Variants in CUBN observed in about 807,000 individuals in gnomAD.
The protein encoded by CUBN is cubilin, also known as 460 kDa receptor.
In CUBN, 282 loss-of-function variants were observed where a neutral mutation model predicts 405.3. The observed-to-expected ratio is 0.70, with a 90% CI of 0.63 to 0.77. The LOEUF (loss-of-function observed/expected upper bound fraction) is 0.77. Ranked by LOEUF, CUBN falls within the 30% of genes least tolerant of loss-of-function variation. The probability of loss-of-function intolerance (pLI) is 0.00; values close to 1 mark genes in which losing one functional copy is unlikely to be tolerated. For synonymous variants in CUBN, 1,684 were observed against 1,617.0 expected (o/e 1.04, Z -0.99); for missense variants, 4,514 against 4,475.2 (o/e 1.01, Z -0.25).
At chr10:16,839,990 C>A (rs889858180) in intron 62 of CUBN, among the ~76,000 whole-genome samples, 24 of 149,678 alleles carry the variant, frequency 1.6e-4, no homozygotes, top group Non-Finnish European at 8.8e-5. Context: ...ACCGCATATT[C>A]TCACTCATAG....
At chr10:16,834,910 T>A in intron 64 of CUBN, 104 bp downstream of exon 64, 1 of 1,133,864 alleles carries the variant, frequency 8.8e-7, no homozygotes. Context: ...ATGAAACAAA[T>A]AAGAATCATA....
In CUBN at chr10:17,012,170, T is replaced by C. The variant is rs368799475; in HGVS notation, c.4168+7663A>G. ...ACCATCTGTAGCCTGATGGCCTTGATTCTAGAGGAAACAAATTTGACAAGG... is the reference window on the plus strand; with the variant it reads ...ACCATCTGTAGCCTGATGGCCTTGACTCTAGAGGAAACAAATTTGACAAGG... On this transcript the variant is annotated intron_variant, in intron 28 of 66. Coordinates refer to ENST00000377833, the MANE Select transcript of CUBN (RefSeq NM_001081.4). 2.3e-4 allele frequency among the ~76,000 whole-genome samples: 35 copies of C among 152,278 alleles called. 2 individuals are homozygous for C. The South Asian group carries it at 7.3e-3, about 32-fold the overall frequency.
intron 28 of CUBN, 125 bp downstream of exon 28, chr10:17,019,708 C>T: frequency 1.8e-6 from 2 of 1,122,454 alleles, no homozygotes; most frequent in Non-Finnish European, 2.7e-6. Context: ...TAAACCCTTG[C>T]ATGAGATTAC....
chr10:16,861,058 G>A (rs970466754), intron 59 of CUBN, among the ~76,000 whole-genome samples: 13 of 151,976 alleles, frequency 8.6e-5, no homozygotes, highest in African/African-American at 3.1e-4. Flanking sequence ...ATGCCCCAAA[G>A]CATTACCAAT....
Position 17,019,992 on chromosome 10 carries a change from G to A in CUBN, c.4018-9C>T, listed in dbSNP as rs1224106834. 1.9e-6 allele frequency: 3 copies of A among 1,614,002 alleles called. 1 individual carries two copies. Among genetic ancestry groups the A allele is most frequent in the South Asian group, 2.2e-5 (2 of 91,082 alleles). Reference sequence around the variant, plus strand: ...CGTGGTCCATCATAGAGCTGAAATTGAAGAGAAACTTTCCCATATAAAAAC... The same window carrying A: ...CGTGGTCCATCATAGAGCTGAAATTAAAGAGAAACTTTCCCATATAAAAAC... On this transcript the variant is annotated splice_polypyrimidine_tract_variant and intron_variant, in intron 27 of 66. Transcript: ENST00000377833.
At chr10:16,984,363 C>T in intron 29 of CUBN, 84 bp from the exon 30 acceptor site, 20 of 1,289,878 alleles carry the variant, frequency 1.6e-5, no homozygotes, top group Non-Finnish European at 2.2e-5. Flanking sequence ...TGACCCCCGG[C>T]TCCTTGGGTT....
At chr10:17,036,238 G>A (rs1003865866) in intron 27 of CUBN, among the ~76,000 whole-genome samples, 68 of 152,260 alleles carry the variant, frequency 4.5e-4, no homozygotes, top group African/African-American at 1.6e-3. Context: ...GGAAAGTCTG[G>A]TTGTATGCAA....
intron 63 of CUBN, 39 bp from the exon 64 acceptor site, chr10:16,835,234 A>G (rs1839134165): frequency 6.7e-7 from 1 of 1,481,646 alleles, no homozygotes; most frequent in African/African-American, 1.4e-5. Context: ...TACGCATTCC[A>G]ATATTTAGTG....
intron 56 of CUBN, among the ~76,000 whole-genome samples, chr10:16,882,142 G>GC (rs759820726): frequency 6.2e-4 from 95 of 152,288 alleles, no homozygotes; most frequent in Middle Eastern, 3.4e-3. Context: ...TCACAGTTGA[G>GC]TTTATGACCA....
chr10:17,096,056 C>G (rs147032420), intron 14 of CUBN, among the ~76,000 whole-genome samples: 130 of 152,140 alleles, frequency 8.5e-4, no homozygotes, highest in African/African-American at 2.9e-3. Flanking sequence ...ACTGCATGCT[C>G]TCGCTTATAT....
intron 4 of CUBN, among the ~76,000 whole-genome samples, chr10:17,126,217 A>G (rs1837179983): frequency 6.6e-6 from 1 of 152,244 alleles, no homozygotes; most frequent in African/African-American, 2.4e-5. Flanking sequence ...TTAAAAGGTC[A>G]GCTTCCTACA....
chr10:17,013,819 G>C (rs183708544), intron 28 of CUBN, among the ~76,000 whole-genome samples: 2 of 152,292 alleles, frequency 1.3e-5, no homozygotes. Flanking sequence ...CACTAACTAT[G>C]GCACAACCTG....
chr10:16,873,430 T>C (rs565739899), intron 58 of CUBN, among the ~76,000 whole-genome samples: 2 of 152,260 alleles, frequency 1.3e-5, no homozygotes, highest in African/African-American at 2.4e-5. Flanking sequence ...TTAGAAAATG[T>C]ATCCTTTGAG....
chr10:16,974,578 A>G (rs1283026899), intron 31 of CUBN, among the ~76,000 whole-genome samples: 3 of 151,984 alleles, frequency 2.0e-5, no homozygotes, highest in African/African-American at 7.2e-5. Context: ...TCACCATGTT[A>G]GCCAGGATGG....
chr10:17,040,574 T>A (rs912968236), intron 27 of CUBN, among the ~76,000 whole-genome samples: 1 of 152,110 alleles, frequency 6.6e-6, no homozygotes, highest in Non-Finnish European at 1.5e-5. Context: ...TTATAACAAT[T>A]GAAACTTCAA....
Position 16,997,984 on chromosome 10 carries a change from C to T in CUBN, c.4169-7469G>A, listed in dbSNP as rs141100013. Among the ~76,000 whole-genome samples, 764 of 151,934 alleles carry T rather than the reference C, an allele frequency of 5.0e-3. 5 individuals are homozygous for T. Among genetic ancestry groups the T allele is most frequent in the African/African-American group, 0.017 (700 of 41,412 alleles). On this transcript the variant is annotated intron_variant, in intron 28 of 66. Coordinates refer to ENST00000377833, the MANE Select transcript of CUBN (RefSeq NM_001081.4). ...AGCATGTATTCTGTGAGGAAGGGGA[C>T]ACAAACTGGAGTGATCACGAGATGA...
At chr10:17,075,068 G>GTTTTC (rs1835824738) in intron 17 of CUBN, among the ~76,000 whole-genome samples, 4 of 74,086 alleles carry the variant, frequency 5.4e-5, no homozygotes, top group Non-Finnish European at 5.5e-5. Flanking sequence ...ATTTTTCTTT[G>GTTTTC]TTTTCTTTTT....
rs1234073246 is a variant in CUBN, at chr10:16,940,125, T to A, written c.5455A>T (p.Asn1819Tyr). ...GRYCGNSFPLNYSSIVGHTLW... is the reference protein window; with the variant it reads ...GRYCGNSFPLYYSSIVGHTLW... ...GTATGTCCAACGATGGAAGAATAAT[T>A]GAGAGGGAAGGAGTTTCCACAGTAT... The change falls in exon 37 of 67, where the codon AAT becomes TAT. Residue 1819 changes from asparagine (N) to tyrosine (Y), a missense_variant. By Grantham distance (143) the Asn-to-Tyr change is moderately radical. This residue lies in a region of CUBN where 1,613 missense variants were observed against 1,542.8 expected (regional missense o/e 1.05). Coordinates refer to ENST00000377833, the MANE Select transcript of CUBN (RefSeq NM_001081.4). 6.2e-7 allele frequency: 1 copy of A among 1,614,082 alleles called. No individual in the cohort carries two copies. The highest frequency in any genetic ancestry group is 1.3e-5 in the African/African-American group (1 of 75,022).
In CUBN at chr10:16,827,615, A is replaced by T. The variant is rs551012704; in HGVS notation, c.10764+1190T>A. ...ATTTTCCCTTACTTACTCTCTTGTT[A>T]TTTTGAGATGGAGTCTGGCTCTGTC... On this transcript the variant is annotated intron_variant, in intron 66 of 66. Transcript: ENST00000377833. Among the ~76,000 whole-genome samples, 9 of 152,264 alleles carry T rather than the reference A, an allele frequency of 5.9e-5. No homozygotes were observed. In the South Asian group the frequency reaches 1.9e-3, roughly 32 times the overall value.
Sources: gnomAD v4.1 joint callset for allele counts (sites outside exome capture counted in the v4.1 genomes callset) on GRCh38, gnomAD v4.1.1 for gene constraint, gnomAD v4.1.1 regional missense constraint, MANE v1.5 for transcripts, NCBI Gene and HGNC (gene_info 2026-07-23, HGNC 2026-07-21) for gene names.